The following BZW2 variants were observed in gnomAD, a reference collection of about 807,000 sequenced individuals.
BZW2 encodes eIF5-mimic protein 1.
BZW2 carries 23 observed loss-of-function variants against 53.2 expected under a neutral mutation model. The ratio of observed to expected loss-of-function variants is 0.43; its 90% CI spans 0.31 to 0.61. BZW2 has a LOEUF of 0.61. Among genes scored for constraint, BZW2 ranks in the 20% least tolerant of loss-of-function variants. The probability of loss-of-function intolerance (pLI) is 0.09; values close to 1 mark genes in which losing one functional copy is unlikely to be tolerated. For synonymous variants in BZW2, 227 were observed against 186.4 expected (o/e 1.22, Z -1.77); for missense variants, 409 against 503.1 (o/e 0.81, Z 1.79).
chr7:16,663,342 G>C (rs1349743555), intron 1 of BZW2, among the ~76,000 whole-genome samples: 4 of 152,008 alleles, frequency 2.6e-5, no homozygotes, highest in African/African-American at 9.7e-5. Context: ...ATGGATTCTG[G>C]CTTAATAACC....
At chr7:16,683,175 A>G (rs818501) in intron 5 of BZW2, among the ~76,000 whole-genome samples, 17,802 of 152,210 alleles carry the variant, frequency 0.12, 3,043 homozygotes, top group African/African-American at 0.38. Flanking sequence ...CAGCCTGGGC[A>G]ACAGAGCAAG....
intron 3 of BZW2, among the ~76,000 whole-genome samples, chr7:16,678,819 C>CG (rs1562487051): frequency 6.6e-5 from 10 of 151,532 alleles, no homozygotes. Flanking sequence ...AGCTGGGTCT[C>CG]GGGGGGTGAC....
intron 10 of BZW2, 126 bp from the exon 11 acceptor site, chr7:16,704,421 C>A: frequency 9.5e-7 from 1 of 1,057,656 alleles, no homozygotes; most frequent in Non-Finnish European, 1.3e-6. Context: ...TGGTTCCTCT[C>A]TTCTGATAAG....
At chr7:16,702,766 AC>A (rs919632097) in intron 10 of BZW2, among the ~76,000 whole-genome samples, 31 of 152,194 alleles carry the variant, frequency 2.0e-4, no homozygotes, top group African/African-American at 7.0e-4. Flanking sequence ...GAGAAAAAAA[AC>A]AATTCTCCTT....
At chr7:16,653,212 A>AT (rs983665729) in intron 1 of BZW2, among the ~76,000 whole-genome samples, 67 of 152,216 alleles carry the variant, frequency 4.4e-4, no homozygotes, top group African/African-American at 1.4e-3. Context: ...CACTATTACG[A>AT]TTTTTAAGCA....
chr7:16,661,421 C>G (rs1482245705), intron 1 of BZW2: 1 of 152,076 alleles, frequency 6.6e-6, no homozygotes, highest in Non-Finnish European at 1.5e-5. Flanking sequence ...CAGTGTGGCT[C>G]ATTGTCACAC....
chr7:16,650,471 T>G (rs1479600800), intron 1 of BZW2, among the ~76,000 whole-genome samples: 1 of 152,078 alleles, frequency 6.6e-6, no homozygotes, highest in African/African-American at 2.4e-5. Flanking sequence ...TCTAGGAAAA[T>G]CAGGAGCAGG....
In BZW2 at chr7:16,706,319, A is replaced by T. The variant is rs987002307; in HGVS notation, c.*231A>T. 3 of 468,082 alleles carry T rather than the reference A, an allele frequency of 6.4e-6. No individual in the cohort carries two copies. The highest frequency in any genetic ancestry group is 6.0e-5 in the African/African-American group (3 of 49,930). The allele number at this position is 468,082 out of a possible 1,614,324, so 29.0% of individuals were successfully genotyped here. A position where few individuals can be genotyped will look rare whatever the true frequency, so the allele number is the denominator to read the frequency against. On this transcript the variant is annotated 3_prime_UTR_variant, in exon 12 of 12. Coordinates refer to ENST00000258761, the MANE Select transcript of BZW2 (RefSeq NM_014038.3). ...TCTACCTCTCACTCACTATATGCTA[A>T]CTTAAAGCCATTCAACAAGGAGTCA... is the stretch of plus-strand genomic sequence containing the variant.
At chr7:16,658,082 G>C (rs565908429) in intron 1 of BZW2, among the ~76,000 whole-genome samples, 1 of 152,300 alleles carries the variant, frequency 6.6e-6, no homozygotes, top group Non-Finnish European at 1.5e-5. Flanking sequence ...CTGGAAGATT[G>C]AATGAGCTGG....
At chr7:16,685,436 GC>G (rs1783084999) in intron 5 of BZW2, among the ~76,000 whole-genome samples, 1 of 151,540 alleles carries the variant, frequency 6.6e-6, no homozygotes, top group Admixed American at 6.6e-5. Context: ...TTTGTGTGGG[GC>G]TTTTTTTTGT....
In BZW2 at chr7:16,689,181, G is replaced by A. The variant is rs191377964; in HGVS notation, c.542-616G>A. ...GTGAAGATTGCAGTGAGCCGAGATC[G>A]TGCTACTTCACTCCAGCCTGGGCGA... On this transcript the variant is annotated intron_variant, in intron 6 of 11. Transcript: ENST00000258761. 7.2e-5 allele frequency among the ~76,000 whole-genome samples: 11 copies of A among 152,232 alleles called. 1 individual carries two copies. Among genetic ancestry groups the A allele is most frequent in the Admixed American group, 2.0e-4 (3 of 15,292 alleles).
At chr7:16,646,963 G>GT (rs1434467392) in intron 1 of BZW2, among the ~76,000 whole-genome samples, 1 of 152,206 alleles carries the variant, frequency 6.6e-6, no homozygotes, top group Non-Finnish European at 1.5e-5. Flanking sequence ...GAAATAGGGA[G>GT]TGGAGGGTGG....
intron 1 of BZW2, among the ~76,000 whole-genome samples, chr7:16,664,199 A>G (rs1175325256): frequency 2.0e-5 from 3 of 152,252 alleles, no homozygotes; most frequent in African/African-American, 7.2e-5. Context: ...AAGATACAGA[A>G]TGGAGGAGCT....
At chr7:16,684,513 T>C (rs1783054925) in intron 5 of BZW2, among the ~76,000 whole-genome samples, 1 of 152,254 alleles carries the variant, frequency 6.6e-6, no homozygotes, top group South Asian at 2.1e-4. Flanking sequence ...TGATTAAGTA[T>C]ATTTTAAATG....
intron 10 of BZW2, among the ~76,000 whole-genome samples, chr7:16,698,786 C>T (rs1783580447): frequency 6.6e-6 from 1 of 152,126 alleles, no homozygotes; most frequent in Non-Finnish European, 1.5e-5. Flanking sequence ...ATACCTACAG[C>T]ATACAGAAAT....
chr7:16,705,930 C>G lies in BZW2; in HGVS notation c.1232-130C>G, dbSNP rs898094878. 5.0e-5 allele frequency: 50 copies of G among 1,004,018 alleles called. No homozygotes were observed. In the African/African-American group the frequency reaches 7.8e-4, roughly 16 times the overall value. The allele number at this position is 1,004,018 out of a possible 1,614,324, so 62.2% of individuals were successfully genotyped here. A position where few individuals can be genotyped will look rare whatever the true frequency, so the allele number is the denominator to read the frequency against. ...ATCTGCCCTCATGTGACTATTTTAC[C>G]TTATAATGGGTGCCTAGGGTAAAAG... On this transcript the variant is annotated intron_variant, in intron 11 of 11. Coordinates refer to ENST00000258761, the MANE Select transcript of BZW2 (RefSeq NM_014038.3).
intron 5 of BZW2, among the ~76,000 whole-genome samples, chr7:16,685,475 T>G (rs546116560): frequency 2.0e-5 from 3 of 152,012 alleles, no homozygotes; most frequent in Non-Finnish European, 4.4e-5. Context: ...ACAAATTCTA[T>G]TCAGAGAAAA....
At position 16,698,304 on chromosome 7, in the gene BZW2, G is replaced by A. The variant is rs888205735; in HGVS notation, c.1108+118G>A. Reference sequence around the variant, plus strand: ...TCTGTTTAGAGAGGGACAGCAAGATGCTAATTTGTGAAAGTTTTATTGAGG... The same window carrying A: ...TCTGTTTAGAGAGGGACAGCAAGATACTAATTTGTGAAAGTTTTATTGAGG... On this transcript the variant is annotated intron_variant, in intron 10 of 11. Transcript: ENST00000258761. The A allele has an allele frequency of 5.9e-6, 8 of 1,351,862 alleles. 1 individual carries two copies. The East Asian group carries it at 9.3e-5, about 16-fold the overall frequency. 83.7% of individuals were successfully genotyped at this position (1,351,862 alleles called of 1,614,324 possible).
At chr7:16,672,977 G>A (rs955276171) in intron 2 of BZW2, among the ~76,000 whole-genome samples, 5 of 150,800 alleles carry the variant, frequency 3.3e-5, no homozygotes, top group South Asian at 2.1e-4. Context: ...ACGGAGTCTC[G>A]CTCTGTCACC....
Sources: gnomAD v4.1 joint callset for allele counts (sites outside exome capture counted in the v4.1 genomes callset) on GRCh38, gnomAD v4.1.1 for gene constraint, MANE v1.5 for transcripts, NCBI Gene and HGNC (gene_info 2026-07-23, HGNC 2026-07-21) for gene names.